The following PLA2G4D variants were observed in gnomAD, a reference collection of about 807,000 sequenced individuals.
PLA2G4D encodes cytosolic phospholipase A2 delta.
In PLA2G4D, 80 loss-of-function variants were observed where a neutral mutation model predicts 94.4. The ratio of observed to expected loss-of-function variants is 0.85; its 90% CI spans 0.71 to 1.02. The LOEUF is 1.02. PLA2G4D is among the 50% of genes least tolerant of loss of function. PLA2G4D has a pLI of 0.00. For missense variants in PLA2G4D, 1,050 were observed against 1,034.7 expected (o/e 1.01, Z -0.20); for synonymous variants, 438 against 440.9 (o/e 0.99, Z 0.08).
chr15:42,071,636 G>C, intron 15 of PLA2G4D, 85 bp from the exon 16 acceptor site: 1 of 1,492,964 alleles, frequency 6.7e-7, no homozygotes, highest in East Asian at 2.3e-5. Flanking sequence ...AGTGGGGCGA[G>C]GGCTACCCCT....
Position 42,090,402 on chromosome 15 carries a change from G to A in PLA2G4D, c.46-2702C>T, listed in dbSNP as rs577051671. 1.7e-4 allele frequency among the ~76,000 whole-genome samples: 26 copies of A among 152,346 alleles called. 1 individual carries two copies. In the South Asian group the frequency reaches 3.9e-3, roughly 23 times the overall value. The stretch of plus-strand genomic sequence containing the variant: ...ACCCCGACAAATTAGGGCTGGGAAC[G>A]CATGAAAGAGCAGAGCTCGTATTTA... On this transcript the variant is annotated intron_variant, in intron 1 of 19. Coordinates refer to ENST00000290472, the MANE Select transcript of PLA2G4D (RefSeq NM_178034.4).
At position 42,084,065 on chromosome 15, in the gene PLA2G4D, A is replaced by G. The variant is rs1474083189; in HGVS notation, c.472-286T>C. On this transcript the variant is annotated intron_variant, in intron 6 of 19. Coordinates refer to ENST00000290472, the MANE Select transcript of PLA2G4D (RefSeq NM_178034.4). The surrounding 1 kb of genome is among the most constrained non-coding windows in gnomAD (Gnocchi z 4.8). ...CTCCTAGAGCGCCCAGCCCTCAGAC[A>G]CAGCTGTTTCTTCTCTTGTTTCCCT... is the stretch of plus-strand genomic sequence containing the variant. 6 of 416,820 alleles carry G rather than the reference A, an allele frequency of 1.4e-5. No individual in the cohort carries two copies. Among genetic ancestry groups the G allele is most frequent in the Non-Finnish European group, 2.6e-5 (6 of 228,578 alleles). 25.8% of individuals were successfully genotyped at this position (416,820 alleles called of 1,614,324 possible). A position where few individuals can be genotyped will look rare whatever the true frequency, so the allele number is the denominator to read the frequency against.
chr15:42,078,742 A>G (rs1889976116), intron 13 of PLA2G4D, among the ~76,000 whole-genome samples: 1 of 152,168 alleles, frequency 6.6e-6, no homozygotes, highest in Admixed American at 6.5e-5. Context: ...AAAGATAAAG[A>G]TGAGTCCTTC....
At position 42,079,584 on chromosome 15, in the gene PLA2G4D, A is replaced by G; in HGVS notation, c.1270T>C (p.Phe424Leu). ...LRAEQGHPTT[F>L]VDLWALVLES... ...AGCACTAGCGCCCACAGGTCCACAAAGGTCGTGGGGTGGCCCTGCTCAGCC... is the reference window on the plus strand; with the variant it reads ...AGCACTAGCGCCCACAGGTCCACAAGGGTCGTGGGGTGGCCCTGCTCAGCC... Residue 424 changes from phenylalanine (F) to leucine (L), a missense_variant, in exon 13 of 20, where the codon TTT becomes CTT. Transcript: ENST00000290472. 1 of 1,608,094 alleles carries G rather than the reference A, an allele frequency of 6.2e-7. No individual in the cohort carries two copies. Among genetic ancestry groups the G allele is most frequent in the African/African-American group, 1.3e-5 (1 of 74,594 alleles).
chr15:42,071,026 A>C, intron 17 of PLA2G4D, 97 bp downstream of exon 17: 1 of 1,546,640 alleles, frequency 6.5e-7, no homozygotes, highest in Non-Finnish European at 8.7e-7. Flanking sequence ...GCCACACCCC[A>C]GAAGTGGATG....
rs148217224 is a variant in PLA2G4D, at chr15:42,070,719, C to T, written c.2041G>A (p.Glu681Lys). The T allele has an allele frequency of 5.1e-4, 794 of 1,554,236 alleles. 4 individuals are homozygous for T. The African/African-American group carries it at 0.01, about 20-fold the overall frequency. ...TTCCCCTGGGGTGACCAGGGTACCT[C>T]GAAGGGCGCAGATAGGGAGTAGTCG... ...SFDYSLSAPF[E>K]ALQQTELYCR... The change falls in exon 18 of 20, where the codon GAG becomes AAG. Residue 681 changes from glutamate (E) to lysine (K), a missense_variant and splice_region_variant. Glu to Lys is a moderately conservative substitution (Grantham distance 56). Transcript: ENST00000290472.
Position 42,083,209 on chromosome 15 carries a change from C to A in PLA2G4D, c.661G>T (p.Gly221Trp). The A allele has an allele frequency of 6.2e-7, 1 of 1,613,692 alleles. No individual in the cohort carries two copies. Among genetic ancestry groups the A allele is most frequent in the Non-Finnish European group, 8.5e-7 (1 of 1,179,810 alleles). The change falls in exon 8 of 20, where the codon GGG becomes TGG. Residue 221 changes from glycine (G) to tryptophan (W), a missense_variant. Transcript: ENST00000290472. ...YMAALETELS[G>W]RLRSSRSNGW... ...GAGCCAAGACCCACCCTCAGGCGCC[C>A]GCTCAGCTCTGTCTCTAGGGCTGCC...
intron 8 of PLA2G4D, 66 bp downstream of exon 8, chr15:42,083,132 G>A: frequency 1.3e-6 from 2 of 1,559,756 alleles, no homozygotes; most frequent in Non-Finnish European, 1.7e-6. Flanking sequence ...AAGGCAGGGA[G>A]GGGCCCGCTG....
At position 42,094,496 on chromosome 15, in the gene PLA2G4D, G is replaced by A; in HGVS notation, c.-37C>T. 6.2e-7 allele frequency: 1 copy of A among 1,613,618 alleles called. No homozygotes were observed. The highest frequency in any genetic ancestry group is 8.5e-7 in the Non-Finnish European group (1 of 1,179,730). ...CAGCTTCACTCCAGGCCCAGCCCTT[G>A]CCAAGATGCTGGCTCTCTGGCTGAG... On this transcript the variant is annotated 5_prime_UTR_variant, in exon 1 of 20. The change creates a premature stop within an existing upstream ORF in the 5' untranslated region. Coordinates refer to ENST00000290472, the MANE Select transcript of PLA2G4D (RefSeq NM_178034.4).
rs1003204896 is a variant in PLA2G4D at position 42,087,224 on chromosome 15, A to C, written c.255+76T>G. The C allele has an allele frequency of 1.9e-6, 3 of 1,584,234 alleles. No individual in the cohort carries two copies. The African/African-American group carries it at 4.0e-5, about 21-fold the overall frequency. On this transcript the variant is annotated intron_variant, in intron 3 of 19. Coordinates refer to ENST00000290472, the MANE Select transcript of PLA2G4D (RefSeq NM_178034.4). ...TTTCTCTGACAGCCCCAGAGGAAGC[A>C]TGCTCTACCCCAGGAACCCTTGCAT...
chr15:42,092,849 C>T (rs1890267524), intron 1 of PLA2G4D, among the ~76,000 whole-genome samples: 1 of 152,250 alleles, frequency 6.6e-6, no homozygotes, highest in South Asian at 2.1e-4. Flanking sequence ...GTCTCCCCAG[C>T]TGGGGTCCAG....
In PLA2G4D at chr15:42,075,265, G is replaced by C. The variant is rs186639826; in HGVS notation, c.1318-2873C>G. The stretch of plus-strand genomic sequence containing the variant: ...AAAACCGTGCATTAAGTCATTACTG[G>C]AGTATCCAATGGTAATTAAATAAAA... On this transcript the variant is annotated intron_variant, in intron 13 of 19. Coordinates refer to ENST00000290472, the MANE Select transcript of PLA2G4D (RefSeq NM_178034.4). Among the ~76,000 whole-genome samples, 188 of 152,320 alleles carry C rather than the reference G, an allele frequency of 1.2e-3. 1 individual carries two copies. The Middle Eastern group carries it at 0.017, about 14-fold the overall frequency.
At chr15:42,075,380 A>G (rs953631373) in intron 13 of PLA2G4D, among the ~76,000 whole-genome samples, 5 of 152,232 alleles carry the variant, frequency 3.3e-5, no homozygotes, top group African/African-American at 1.2e-4. Context: ...GTAGTAACTA[A>G]TTGCTGCCAC....
intron 6 of PLA2G4D, 73 bp from the exon 7 acceptor site, chr15:42,083,852 G>C: frequency 6.8e-7 from 1 of 1,477,720 alleles, no homozygotes; most frequent in Non-Finnish European, 9.4e-7. Flanking sequence ...AACCCTCTGA[G>C]ACCCACTGTC....
At chr15:42,092,015 T>C (rs972799197) in intron 1 of PLA2G4D, among the ~76,000 whole-genome samples, 2 of 152,110 alleles carry the variant, frequency 1.3e-5, no homozygotes, top group Non-Finnish European at 2.9e-5. Flanking sequence ...CCACTACCGG[T>C]CTCCGCGCAT....
rs141529416 is a variant in PLA2G4D at position 42,072,613 on chromosome 15, A to G, written c.1318-221T>C. Among the ~76,000 whole-genome samples the G allele has an allele frequency of 2.8e-3, 429 of 152,200 alleles. 4 individuals carry two copies. The highest frequency in any genetic ancestry group is 9.5e-3 in the African/African-American group (394 of 41,554). On this transcript the variant is annotated intron_variant, in intron 13 of 19. Coordinates refer to ENST00000290472, the MANE Select transcript of PLA2G4D (RefSeq NM_178034.4). ...GGACAGGGCATGCAGGCTGTGTACT[A>G]TGAATCTCCAGCGAGGGCCATTCAT...
intron 4 of PLA2G4D, among the ~76,000 whole-genome samples, chr15:42,085,775 C>T (rs1187432015): frequency 1.3e-5 from 2 of 152,228 alleles, no homozygotes; most frequent in Non-Finnish European, 2.9e-5. Context: ...TCCCACAACT[C>T]TGGGCAAGAC....
intron 1 of PLA2G4D, among the ~76,000 whole-genome samples, chr15:42,092,833 G>T (rs1890267255): frequency 6.6e-6 from 1 of 152,238 alleles, no homozygotes; most frequent in African/African-American, 2.4e-5. Context: ...AGCTTAAGGG[G>T]GTTGGGTCTC....
chr15:42,083,875 C>A (rs2141100393), intron 6 of PLA2G4D, 96 bp from the exon 7 acceptor site: 1 of 1,246,776 alleles, frequency 8.0e-7, no homozygotes, highest in Non-Finnish European at 1.2e-6. Flanking sequence ...AAATCCACCA[C>A]ACACACAAGG....
Sources: allele counts gnomAD v4.1 joint callset (sites outside exome capture counted in the v4.1 genomes callset), GRCh38; gene constraint gnomAD v4.1.1; non-coding constraint Gnocchi (gnomAD v3.1); transcripts MANE v1.5; gene names NCBI Gene and HGNC (gene_info 2026-07-23, HGNC 2026-07-21).